The following ATP9B variants were observed in gnomAD, a reference collection of about 807,000 sequenced individuals.
ATP9B encodes the protein ATPase phospholipid transporting 9B.
Under a neutral mutation model 146.1 loss-of-function variants are expected in ATP9B, and 110 were observed. The ratio of observed to expected loss-of-function variants is 0.75; its 90% CI spans 0.65 to 0.88. ATP9B has a LOEUF of 0.88. Among genes scored for constraint, ATP9B ranks in the 40% least tolerant of loss-of-function variants. ATP9B has a pLI of 0.00. For synonymous variants in ATP9B, 604 were observed against 569.7 expected (o/e 1.06, Z -0.86); for missense variants, 1,499 against 1,496.4 (o/e 1.00, Z -0.03).
rs778708132 is a variant in ATP9B at position 79,348,093 on chromosome 18, G to A, written c.2839-39G>A. On this transcript the variant is annotated intron_variant, in intron 24 of 29. Transcript: ENST00000426216. ...AGGCTTGGGGCCACAGGTGCTCGTG[G>A]AACTGACAGTTGTCTTCGTCTGTGG... is the stretch of plus-strand genomic sequence containing the variant. The A allele has an allele frequency of 8.7e-6, 14 of 1,612,102 alleles. No homozygotes were observed. In the South Asian group the frequency reaches 1.4e-4, roughly 16 times the overall value.
chr18:79,171,742 C>T (rs1018385155), intron 7 of ATP9B, among the ~76,000 whole-genome samples: 8 of 152,274 alleles, frequency 5.3e-5, no homozygotes, highest in Non-Finnish European at 1.0e-4. Flanking sequence ...TCACACTAGC[C>T]CAGTGGGCTC....
intron 9 of ATP9B, among the ~76,000 whole-genome samples, chr18:79,195,953 TG>T (rs2095414082): frequency 6.6e-6 from 1 of 152,178 alleles, no homozygotes; most frequent in African/African-American, 2.4e-5. Context: ...AATACAAGGA[TG>T]TCTGAAGGTA....
At position 79,192,907 on chromosome 18, in the gene ATP9B, G is replaced by C. The variant is rs372920611; in HGVS notation, c.874-276G>C. 3.7e-3 allele frequency among the ~76,000 whole-genome samples: 558 copies of C among 152,222 alleles called. 3 individuals are homozygous for C. Among genetic ancestry groups the C allele is most frequent in the South Asian group, 0.024 (115 of 4,816 alleles). On this transcript the variant is annotated intron_variant, in intron 8 of 29. Coordinates refer to ENST00000426216, the MANE Select transcript of ATP9B (RefSeq NM_198531.5). ...AACAGGCTCCACCTCTACCATTGGA[G>C]CCCCCTGGACAGGCCCCGGGGCTGC...
chr18:79,104,885 A>T (rs1599577653), intron 2 of ATP9B, among the ~76,000 whole-genome samples: 1 of 152,132 alleles, frequency 6.6e-6, no homozygotes, highest in East Asian at 1.9e-4. Context: ...CTGGGACTAC[A>T]GTCATGTGCC....
intron 15 of ATP9B, among the ~76,000 whole-genome samples, chr18:79,327,416 C>T (rs945056300): frequency 1.3e-5 from 2 of 152,150 alleles, no homozygotes; most frequent in Non-Finnish European, 2.9e-5. Flanking sequence ...TGGTGTGGGA[C>T]GTTGCAGAGA....
At chr18:79,094,117 G>A (rs1401076989) in intron 1 of ATP9B, among the ~76,000 whole-genome samples, 1 of 152,226 alleles carries the variant, frequency 6.6e-6, no homozygotes, top group African/African-American at 2.4e-5. Flanking sequence ...GGTGGTGGTT[G>A]CAATGTCAGT....
intron 11 of ATP9B, among the ~76,000 whole-genome samples, chr18:79,222,631 A>G (rs2095691136): frequency 1.3e-5 from 2 of 152,366 alleles, no homozygotes; most frequent in South Asian, 4.1e-4. Context: ...AGATAGAGGA[A>G]AATTCTGAGA....
intron 7 of ATP9B, among the ~76,000 whole-genome samples, chr18:79,161,735 A>G (rs149373708): frequency 0.061 from 9,258 of 152,210 alleles, 365 homozygotes; most frequent in Non-Finnish European, 0.092. Context: ...AGTCCCAGGT[A>G]CTTGGGAGGC....
chr18:79,221,596 C>CT (rs1207140622), intron 11 of ATP9B, among the ~76,000 whole-genome samples: 3 of 152,078 alleles, frequency 2.0e-5, no homozygotes, highest in Non-Finnish European at 4.4e-5. Context: ...TGGCGTGTGC[C>CT]TGTATTCCCA....
At chr18:79,346,469 CATTT>C (rs1568772745) in intron 23 of ATP9B, among the ~76,000 whole-genome samples, 1 of 145,788 alleles carries the variant, frequency 6.9e-6, no homozygotes, top group Non-Finnish European at 1.5e-5. Flanking sequence ...ATTCGGCACA[CATTT>C]AGCACACTAC....
intron 9 of ATP9B, among the ~76,000 whole-genome samples, chr18:79,197,931 A>G (rs566048337): frequency 1.5e-4 from 23 of 152,370 alleles, no homozygotes; most frequent in South Asian, 4.1e-4. Context: ...AAGGACATGT[A>G]GTTTATTAAG....
intron 12 of ATP9B, among the ~76,000 whole-genome samples, chr18:79,271,421 A>G (rs1318006541): frequency 1.6e-5 from 2 of 123,678 alleles, no homozygotes; most frequent in Non-Finnish European, 3.2e-5. Context: ...CCGGTGTGTG[A>G]TGTTCCCCTT....
intron 1 of ATP9B, chr18:79,085,426 T>A (rs529595392): frequency 6.6e-6 from 1 of 152,338 alleles, no homozygotes; most frequent in East Asian, 1.9e-4. Flanking sequence ...AGGATGAAGA[T>A]GTTACGGTTT....
intron 4 of ATP9B, among the ~76,000 whole-genome samples, chr18:79,123,398 G>A (rs866785996): frequency 6.6e-6 from 1 of 151,260 alleles, no homozygotes; most frequent in South Asian, 2.1e-4. Context: ...TGAAAAAAAA[G>A]AAAGGTCTAA....
chr18:79,259,743 G>A (rs1055698059), intron 12 of ATP9B, among the ~76,000 whole-genome samples: 1 of 152,236 alleles, frequency 6.6e-6, no homozygotes, highest in African/African-American at 2.4e-5. Context: ...AGGCACAGCA[G>A]TCATTGCTCC....
At chr18:79,120,922 G>A (rs2094177315) in intron 4 of ATP9B, among the ~76,000 whole-genome samples, 1 of 152,184 alleles carries the variant, frequency 6.6e-6, no homozygotes, top group Non-Finnish European at 1.5e-5. Context: ...AGAGGTGTGG[G>A]CAAAGTAAGA....
chr18:79,126,206 A>C lies in ATP9B; in HGVS notation c.559-61A>C, dbSNP rs547695823. On this transcript the variant is annotated intron_variant, in intron 4 of 29. Coordinates refer to ENST00000426216, the MANE Select transcript of ATP9B (RefSeq NM_198531.5). The stretch of plus-strand genomic sequence containing the variant: ...AGGAAAAAAGTTAAACCAAGTAACA[A>C]ATAATTTTGTCTTTTTTGTTAAAGT... The C allele has an allele frequency of 1.4e-3, 2,020 of 1,404,392 alleles. 3 individuals are homozygous for C. The highest frequency in any genetic ancestry group is 1.8e-3 in the Non-Finnish European group (1,863 of 1,012,790). The allele number at this position is 1,404,392 out of a possible 1,614,324, so 87.0% of individuals were successfully genotyped here.
chr18:79,229,626 G>A (rs762456221), intron 11 of ATP9B, among the ~76,000 whole-genome samples: 5 of 152,184 alleles, frequency 3.3e-5, no homozygotes, highest in Non-Finnish European at 5.9e-5. Flanking sequence ...AGGCGCAGGC[G>A]CTCTGCTGTC....
intron 15 of ATP9B, among the ~76,000 whole-genome samples, chr18:79,326,407 T>C (rs397700857): frequency 7.4e-5 from 10 of 134,784 alleles, no homozygotes; most frequent in Admixed American, 1.4e-4. Context: ...TAGGGTGTCA[T>C]CTCTGTACCC....
Sources: gnomAD v4.1 joint callset for allele counts (sites outside exome capture counted in the v4.1 genomes callset) on GRCh38, gnomAD v4.1.1 for gene constraint, MANE v1.5 for transcripts, NCBI Gene and HGNC (gene_info 2026-07-23, HGNC 2026-07-21) for gene names.